The following HTR1F variants were observed in gnomAD, a reference collection of about 807,000 sequenced individuals.
HTR1F encodes 5-hydroxytryptamine receptor 1F.
Under a neutral mutation model 24.0 loss-of-function variants are expected in HTR1F, and 17 were observed. The observed-to-expected ratio is 0.71, with a 90% CI of 0.48 to 1.06. The LOEUF (loss-of-function observed/expected upper bound fraction) is 1.06. Among genes scored for constraint, HTR1F ranks in the 50% least tolerant of loss-of-function variants. The pLI, the probability that HTR1F is intolerant of heterozygous loss-of-function variation, is 0.00. For synonymous variants in HTR1F, 186 were observed against 156.8 expected (o/e 1.19, Z -1.39); for missense variants, 391 against 427.8 (o/e 0.91, Z 0.76).
rs368115576 is a variant in HTR1F, at chr3:87,923,487, T to A, written c.-42-67221T>A. Reference sequence around the variant, plus strand: ...TTGATTAAATTCATTGCTAGATATTTTTGTAGCTATTATAAATGAAATTGC... The same window carrying A: ...TTGATTAAATTCATTGCTAGATATTATTGTAGCTATTATAAATGAAATTGC... On this transcript the variant is annotated intron_variant, in intron 2 of 2. Transcript: ENST00000319595. Among the ~76,000 whole-genome samples, 7 of 151,972 alleles carry A rather than the reference T, an allele frequency of 4.6e-5. No individual in the cohort carries two copies. In the South Asian group the frequency reaches 1.5e-3, roughly 31 times the overall value.
chr3:87,862,066 C>T (rs1247609471), intron 2 of HTR1F, among the ~76,000 whole-genome samples: 1 of 151,988 alleles, frequency 6.6e-6, no homozygotes. Context: ...GAAAAATAAC[C>T]TCTTATATTT....
chr3:87,869,418 TAGATAGATA>T (rs1467850314), intron 2 of HTR1F, among the ~76,000 whole-genome samples: 2 of 140,954 alleles, frequency 1.4e-5, no homozygotes, highest in Non-Finnish European at 3.1e-5. Context: ...GATAGATAGA[TAGATAGATA>T]GATAGATACA....
intron 2 of HTR1F, among the ~76,000 whole-genome samples, chr3:87,902,862 T>C (rs1706360233): frequency 6.6e-6 from 1 of 151,170 alleles, no homozygotes; most frequent in Admixed American, 6.6e-5. Context: ...GGTTTTTTGT[T>C]CTTGCAACAG....
chr3:87,944,184 CT>C (rs2107446619), intron 2 of HTR1F, among the ~76,000 whole-genome samples: 1 of 152,230 alleles, frequency 6.6e-6, no homozygotes, highest in East Asian at 1.9e-4. Flanking sequence ...CCAACATTGC[CT>C]TTGTGCTCAG....
chr3:87,920,302 G>T (rs1277165378), intron 2 of HTR1F, among the ~76,000 whole-genome samples: 1 of 151,720 alleles, frequency 6.6e-6, no homozygotes, highest in African/African-American at 2.4e-5. Context: ...GGTAAAGTGT[G>T]TACTGCTCAG....
chr3:87,908,927 TAAA>T, intron 2 of HTR1F, among the ~76,000 whole-genome samples: 1 of 152,206 alleles, frequency 6.6e-6, no homozygotes, highest in African/African-American at 2.4e-5. Context: ...TAACAAAAGA[TAAA>T]AACATATTTG....
At chr3:87,933,616 A>G (rs1199217612) in intron 2 of HTR1F, among the ~76,000 whole-genome samples, 2 of 152,200 alleles carry the variant, frequency 1.3e-5, no homozygotes, top group East Asian at 1.9e-4. Context: ...TGCTTCAAAG[A>G]GAATAAAATA....
At chr3:87,880,330 A>T (rs562612611) in intron 2 of HTR1F, among the ~76,000 whole-genome samples, 16 of 152,308 alleles carry the variant, frequency 1.1e-4, no homozygotes, top group Non-Finnish European at 2.4e-4. Context: ...CATAGATTAC[A>T]TCTCAATAAA....
At chr3:87,872,631 A>G (rs1248899778) in intron 2 of HTR1F, among the ~76,000 whole-genome samples, 2 of 152,082 alleles carry the variant, frequency 1.3e-5, no homozygotes, top group Non-Finnish European at 2.9e-5. Context: ...ATGCCACAGA[A>G]ATAAAAAAGA....
At chr3:87,952,864 C>T (rs1396697186) in intron 2 of HTR1F, among the ~76,000 whole-genome samples, 1 of 151,442 alleles carries the variant, frequency 6.6e-6, no homozygotes, top group Non-Finnish European at 1.5e-5. Flanking sequence ...TTTTCTCACG[C>T]TAATTACACT....
At chr3:87,861,929 G>A (rs1404176502) in intron 2 of HTR1F, among the ~76,000 whole-genome samples, 2 of 152,022 alleles carry the variant, frequency 1.3e-5, no homozygotes. Context: ...AGCCATGTAG[G>A]TCCATTTATT....
At chr3:87,885,558 T>G (rs1007316579) in intron 2 of HTR1F, among the ~76,000 whole-genome samples, 5 of 151,870 alleles carry the variant, frequency 3.3e-5, no homozygotes, top group African/African-American at 1.2e-4. Context: ...CCAGGAGCTG[T>G]TTTTTTGAAA....
intron 2 of HTR1F, among the ~76,000 whole-genome samples, chr3:87,918,388 A>G (rs1318473279): frequency 1.3e-5 from 2 of 152,072 alleles, no homozygotes; most frequent in Non-Finnish European, 2.9e-5. Context: ...GACAAGAGAA[A>G]GGAATAAAGA....
At chr3:87,799,622 T>G (rs760471079) in intron 1 of HTR1F, among the ~76,000 whole-genome samples, 1 of 152,192 alleles carries the variant, frequency 6.6e-6, no homozygotes, top group Admixed American at 6.5e-5. Flanking sequence ...TAGAAGTCTT[T>G]GAAGTGGTTA....
At chr3:87,936,680 T>G (rs560566231) in intron 2 of HTR1F, among the ~76,000 whole-genome samples, 1 of 152,220 alleles carries the variant, frequency 6.6e-6, no homozygotes, top group South Asian at 2.1e-4. Flanking sequence ...CAATCTATAA[T>G]TTAGTTGATT....
chr3:87,813,674 C>T (rs1294726900), intron 1 of HTR1F, among the ~76,000 whole-genome samples: 2 of 152,084 alleles, frequency 1.3e-5, no homozygotes, highest in African/African-American at 4.8e-5. Context: ...CTCCACGTGT[C>T]GAGAGGGACC....
At chr3:87,812,602 C>T (rs1001993592) in intron 1 of HTR1F, among the ~76,000 whole-genome samples, 1 of 152,098 alleles carries the variant, frequency 6.6e-6, no homozygotes, top group Non-Finnish European at 1.5e-5. Context: ...CAGAAATTTG[C>T]ATAGGTAATG....
At chr3:87,933,299 A>G (rs1296290385) in intron 2 of HTR1F, among the ~76,000 whole-genome samples, 1 of 150,708 alleles carries the variant, frequency 6.6e-6, no homozygotes, top group East Asian at 1.9e-4. Flanking sequence ...GGCACAAGAC[A>G]GGGATGCCCT....
chr3:87,899,137 A>C (rs1334649947), intron 2 of HTR1F, among the ~76,000 whole-genome samples: 1 of 152,190 alleles, frequency 6.6e-6, no homozygotes, highest in African/African-American at 2.4e-5. Context: ...AATTAATTTA[A>C]ATAACTTAAG....
Sources: gnomAD v4.1 joint callset for allele counts (sites outside exome capture counted in the v4.1 genomes callset) on GRCh38, gnomAD v4.1.1 for gene constraint, MANE v1.5 for transcripts, NCBI Gene and HGNC (gene_info 2026-07-23, HGNC 2026-07-21) for gene names.